Variants in LIMCH1 observed in about 807,000 individuals in gnomAD.
LIMCH1 encodes the protein LIM and calponin homology domains-containing protein 1.
Under a neutral mutation model 176.5 loss-of-function variants are expected in LIMCH1, and 113 were observed. The ratio of observed to expected loss-of-function variants is 0.64; its 90% CI spans 0.55 to 0.75. The LOEUF is 0.75. LIMCH1 is among the 30% of genes least tolerant of loss of function. LIMCH1 has a pLI of 0.00. For synonymous variants in LIMCH1, 619 were observed against 645.9 expected, an observed-to-expected ratio of 0.96 and a Z score of 0.63; for missense variants, 1,674 against 1,814.9, an observed-to-expected ratio of 0.92 and a Z score of 1.41.
At chr4:41,402,610 A>G (rs568114276) in intron 1 of LIMCH1, among the ~76,000 whole-genome samples, 2 of 135,920 alleles carry the variant, frequency 1.5e-5, no homozygotes, top group South Asian at 5.1e-4. Context: ...GATTAAGAAA[A>G]TGTGGCACAT....
At chr4:41,595,549 G>A (rs559958768) in intron 1 of LIMCH1, among the ~76,000 whole-genome samples, 1 of 152,244 alleles carries the variant, frequency 6.6e-6, no homozygotes, top group South Asian at 2.1e-4. Flanking sequence ...GCTGTGTATG[G>A]CTGTTTTGAA....
At chr4:41,625,636 T>A (rs1330494944) in intron 7 of LIMCH1, among the ~76,000 whole-genome samples, 2 of 152,114 alleles carry the variant, frequency 1.3e-5, no homozygotes, top group Non-Finnish European at 2.9e-5. Context: ...TTTTATATAT[T>A]TTTTTAAGTC....
chr4:41,648,025 A>G (rs1330301584), intron 17 of LIMCH1, among the ~76,000 whole-genome samples: 2 of 152,166 alleles, frequency 1.3e-5, no homozygotes, highest in Non-Finnish European at 2.9e-5. Flanking sequence ...TCCTGAGAAG[A>G]TGAGCTACTA....
chr4:41,536,943 C>T (rs2152459644), upstream of LIMCH1, among the ~76,000 whole-genome samples: 1 of 152,208 alleles, frequency 6.6e-6, no homozygotes, highest in Non-Finnish European at 1.5e-5. Flanking sequence ...TGTAGATGTA[C>T]CATAGGAATG....
intron 1 of LIMCH1, among the ~76,000 whole-genome samples, chr4:41,368,469 A>G (rs114482301): frequency 0.02 from 2,986 of 152,332 alleles, 58 homozygotes; most frequent in Middle Eastern, 0.027. Context: ...CTATGAAGAC[A>G]AAGAATGGGG....
chr4:41,681,012 G>C lies in LIMCH1; in HGVS notation c.3670G>C (p.Asp1224His), dbSNP rs369760310. The C allele has an allele frequency of 5.5e-5, 89 of 1,612,798 alleles. No homozygotes were observed. The highest frequency in any genetic ancestry group is 7.2e-5 in the Non-Finnish European group (85 of 1,179,124). Residue 1224 changes from aspartate (D) to histidine (H), a missense_variant, in exon 25 of 32, where the codon GAC (aspartate) becomes CAC (histidine). Coordinates refer to ENST00000503057, the MANE Select transcript of LIMCH1 (RefSeq NM_001330672.2). ...ATTTACTGTTTCTTCAAGTTCCGCT[G>C]ACCAGCTGTCTACCTCTTCCTCCAT... ...VPFTVSSSSA[D>H]QLSTSSSMTE...
chr4:41,382,945 C>T (rs555218423), intron 1 of LIMCH1, among the ~76,000 whole-genome samples: 1 of 152,100 alleles, frequency 6.6e-6, no homozygotes, highest in Non-Finnish European at 1.5e-5. Context: ...TGCATGCCAG[C>T]ACACCTGGCT....
intron 1 of LIMCH1, among the ~76,000 whole-genome samples, chr4:41,445,472 A>G (rs1158004189): frequency 2.6e-5 from 4 of 152,244 alleles, no homozygotes; most frequent in Admixed American, 2.0e-4. Context: ...TAATGTAACC[A>G]TAAAGCAAGA....
At chr4:41,459,254 G>A (rs1466819970) in intron 1 of LIMCH1, among the ~76,000 whole-genome samples, 1 of 151,980 alleles carries the variant, frequency 6.6e-6, no homozygotes, top group African/African-American at 2.4e-5. Flanking sequence ...AATCATTTTA[G>A]GTATTTCTTT....
chr4:41,468,234 C>A, intron 1 of LIMCH1, among the ~76,000 whole-genome samples: 1 of 120,186 alleles, frequency 8.3e-6, no homozygotes, highest in African/African-American at 3.2e-5. Flanking sequence ...CCTCCCCTCC[C>A]CTCTCTCCCT....
chr4:41,437,798 G>GGTTT (rs2062245079), intron 1 of LIMCH1, among the ~76,000 whole-genome samples: 1 of 150,752 alleles, frequency 6.6e-6, no homozygotes, highest in Non-Finnish European at 1.5e-5. Context: ...TTTTTCTTTT[G>GGTTT]GTTTGTTTAT....
chr4:41,622,740 C>T (rs2152831901), intron 7 of LIMCH1, among the ~76,000 whole-genome samples: 1 of 152,288 alleles, frequency 6.6e-6, no homozygotes, highest in African/African-American at 2.4e-5. Flanking sequence ...TATATATTAT[C>T]TTTGTTTATT....
intron 1 of LIMCH1, among the ~76,000 whole-genome samples, chr4:41,421,957 C>T (rs1245947589): frequency 1.3e-5 from 2 of 151,990 alleles, no homozygotes; most frequent in Admixed American, 1.3e-4. Flanking sequence ...GTGGCATGCA[C>T]CTGTAATCCC....
chr4:41,413,086 C>T (rs1239158269), intron 1 of LIMCH1, among the ~76,000 whole-genome samples: 1 of 152,068 alleles, frequency 6.6e-6, no homozygotes, highest in Non-Finnish European at 1.5e-5. Context: ...AAATTCCCTT[C>T]TCCTTCCTTT....
rs71198665 is a variant in LIMCH1, at chr4:41,514,005, T to TAAA, written c.168-10364_168-10362dup. Among the ~76,000 whole-genome samples the TAAA allele has an allele frequency of 5.3e-3, 258 of 48,484 alleles. 15 individuals carry two copies. The highest frequency in any genetic ancestry group is 8.2e-3 in the East Asian group (8 of 970). The allele number at this position is 48,484 out of a possible 152,430, so 31.8% of individuals were successfully genotyped here. A position where few individuals can be genotyped will look rare whatever the true frequency, so the allele number is the denominator to read the frequency against. ...TGGGTGATAGAGAGAGACTCCGTCT[T>TAAA]AAAAAAAAAAAAAAAAAAAAAAAAA... On this transcript the variant is annotated intron_variant, in intron 2 of 26. Transcript: ENST00000313860.
At chr4:41,613,431 T>C (rs1473240607) in intron 4 of LIMCH1, 35 bp from the exon 5 acceptor site, 2 of 1,582,790 alleles carry the variant, frequency 1.3e-6, no homozygotes, top group South Asian at 1.1e-5. Context: ...AGGCTAGAAT[T>C]ATGTCTGTAA....
chr4:41,564,556 A>G (rs2082467382), intron 1 of LIMCH1, among the ~76,000 whole-genome samples: 1 of 152,184 alleles, frequency 6.6e-6, no homozygotes, highest in African/African-American at 2.4e-5. Context: ...AAAAGTGGAT[A>G]TGATCCCTGT....
intron 1 of LIMCH1, among the ~76,000 whole-genome samples, chr4:41,419,388 G>A (rs949668611): frequency 2.6e-5 from 4 of 151,978 alleles, no homozygotes; most frequent in African/African-American, 9.7e-5. Flanking sequence ...GTGTTGGCCA[G>A]GCTGGTCTCA....
chr4:41,623,697 G>A (rs913098667), intron 7 of LIMCH1, among the ~76,000 whole-genome samples: 1 of 152,138 alleles, frequency 6.6e-6, no homozygotes, highest in African/African-American at 2.4e-5. Context: ...GGAGGCAGAG[G>A]TTGCAGTGAG....
Sources: allele counts gnomAD v4.1 joint callset (sites outside exome capture counted in the v4.1 genomes callset), GRCh38; gene constraint gnomAD v4.1.1; transcripts MANE v1.5; gene names NCBI Gene and HGNC (gene_info 2026-07-23, HGNC 2026-07-21).